The following ADGRL4 variants were observed in gnomAD, a reference collection of about 807,000 sequenced individuals.
ADGRL4 encodes the protein EGF, latrophilin and seven transmembrane domain containing 1.
A neutral mutation model predicts 74.8 loss-of-function variants in ADGRL4; 90 were observed. That is an observed-to-expected ratio of 1.20 (90% CI 1.02 to 1.43). ADGRL4 has a LOEUF of 1.43. Among genes scored for constraint, ADGRL4 ranks in the 40% most tolerant of loss-of-function variants. ADGRL4 has a pLI of 0.00. For missense variants in ADGRL4, 881 were observed against 814.3 expected (o/e 1.08, Z -1.00); for synonymous variants, 311 against 279.2 (o/e 1.11, Z -1.14).
chr1:78,934,809 G>A (rs1222740046), intron 7 of ADGRL4, among the ~76,000 whole-genome samples: 4 of 152,072 alleles, frequency 2.6e-5, no homozygotes, highest in African/African-American at 7.2e-5. Context: ...AAAAAAGCTC[G>A]ACATTACTGA....
chr1:78,907,423 C>A (rs562699127), intron 12 of ADGRL4, among the ~76,000 whole-genome samples: 1 of 152,078 alleles, frequency 6.6e-6, no homozygotes, highest in South Asian at 2.1e-4. Flanking sequence ...ATGCTAACCC[C>A]TAAAGATAAT....
At chr1:78,900,732 G>A (rs886573484) in intron 12 of ADGRL4, among the ~76,000 whole-genome samples, 2 of 152,006 alleles carry the variant, frequency 1.3e-5, no homozygotes, top group Non-Finnish European at 2.9e-5. Context: ...CTTCATGATT[G>A]CAAGTTTCCC....
intron 2 of ADGRL4, among the ~76,000 whole-genome samples, chr1:78,985,958 G>T (rs1650485506): frequency 6.6e-6 from 1 of 151,786 alleles, no homozygotes; most frequent in African/African-American, 2.4e-5. Context: ...CCTTATAAGT[G>T]GGAGCTAAAC....
intron 2 of ADGRL4, among the ~76,000 whole-genome samples, chr1:78,975,592 C>A (rs950100940): frequency 6.6e-6 from 1 of 151,898 alleles, no homozygotes; most frequent in Non-Finnish European, 1.5e-5. Context: ...CTCTAAAATA[C>A]AGACTAAAAC....
chr1:78,941,562 C>CTT (rs34600361), intron 3 of ADGRL4, among the ~76,000 whole-genome samples: 2 of 124,600 alleles, frequency 1.6e-5, no homozygotes, highest in South Asian at 2.5e-4. Context: ...TCAATCCCCC[C>CTT]TTTTTTTTTT....
Position 78,918,072 on chromosome 1 carries a change from A to G in ADGRL4, c.1462-22T>C, listed in dbSNP as rs146732519. The G allele has an allele frequency of 6.6e-4, 1,025 of 1,561,182 alleles. 3 individuals are homozygous for G. The Middle Eastern group carries it at 6.7e-3, about 10-fold the overall frequency. On this transcript the variant is annotated intron_variant, in intron 10 of 14. Coordinates refer to ENST00000370742, the MANE Select transcript of ADGRL4 (RefSeq NM_022159.4). The stretch of plus-strand genomic sequence containing the variant: ...AGAGCTAGAAATCAAAGAAAAAAAA[A>G]AAAACATTGTCAGTGTTTGTTTTAA...
intron 13 of ADGRL4, among the ~76,000 whole-genome samples, 172 bp from the exon 14 acceptor site, chr1:78,891,864 C>A (rs189581785): frequency 6.6e-5 from 10 of 152,224 alleles, no homozygotes; most frequent in Admixed American, 6.6e-4. Context: ...GGTGTGACAG[C>A]ATTTAGGGTA....
rs1249575862 is a variant in ADGRL4 at position 78,936,377 on chromosome 1, C to T, written c.795G>A (p.Met265Ile). 8.3e-6 allele frequency: 13 copies of T among 1,573,302 alleles called. No homozygotes were observed. Among genetic ancestry groups the T allele is most frequent in the Non-Finnish European group, 1.1e-5 (13 of 1,166,458 alleles). The part of the protein sequence containing the change: ...LKVFFFDSYN[M>I]KHIHPHMNMD... ...TATTCATATGAGGATGAATATGTTT[C>T]ATGTTATATGAATCAAAAAAGAAAA... The change falls in exon 7 of 15, where the codon ATG becomes ATA. Residue 265 changes from methionine to isoleucine, a missense_variant. Physicochemically the swap from Met to Ile is conservative, Grantham distance 10 (BLOSUM62 1). Coordinates refer to ENST00000370742, the MANE Select transcript of ADGRL4 (RefSeq NM_022159.4).
At chr1:78,943,393 T>G (rs375905060) in intron 3 of ADGRL4, among the ~76,000 whole-genome samples, 1 of 152,348 alleles carries the variant, frequency 6.6e-6, no homozygotes, top group South Asian at 2.1e-4. Context: ...AGTTCTGTTT[T>G]ACTGTGATTC....
chr1:78,956,386 A>G (rs1649830114), intron 2 of ADGRL4, among the ~76,000 whole-genome samples: 1 of 152,126 alleles, frequency 6.6e-6, no homozygotes, highest in African/African-American at 2.4e-5. Flanking sequence ...GTTCATAGAG[A>G]TTTGACTCTG....
Position 78,913,392 on chromosome 1 carries a change from G to A in ADGRL4, c.1749+4242C>T, listed in dbSNP as rs537837280. ...AGTATAAACTAAATGCCCATCAGTG[G>A]TAGACTGAATAAAGAAAACATGCAT... On this transcript the variant is annotated intron_variant, in intron 12 of 14. Coordinates refer to ENST00000370742, the MANE Select transcript of ADGRL4 (RefSeq NM_022159.4). Among the ~76,000 whole-genome samples the A allele has an allele frequency of 2.6e-5, 4 of 152,032 alleles. No individual in the cohort carries two copies. The South Asian group carries it at 8.3e-4, about 31-fold the overall frequency.
intron 12 of ADGRL4, among the ~76,000 whole-genome samples, chr1:78,907,148 G>A (rs1394241591): frequency 6.6e-6 from 1 of 151,898 alleles, no homozygotes; most frequent in Non-Finnish European, 1.5e-5. Flanking sequence ...AATTCCTACT[G>A]AAAGCATGTC....
rs747328995 is a variant in ADGRL4, at chr1:78,927,096, C to T, written c.878-5G>A. On this transcript the variant is annotated splice_region_variant and splice_polypyrimidine_tract_variant and intron_variant, in intron 7 of 14. Transcript: ENST00000370742. ...CAAATGCAACTGCAACATTGCCTAT[C>T]AATCAAATAAGTATATTTAGTGAAA... The T allele has an allele frequency of 1.3e-6, 2 of 1,532,564 alleles. No individual in the cohort carries two copies. Among genetic ancestry groups the T allele is most frequent in the Non-Finnish European group, 1.8e-6 (2 of 1,110,088 alleles). The allele number at this position is 1,532,564 out of a possible 1,614,324, so 94.9% of individuals were successfully genotyped here.
intron 4 of ADGRL4, among the ~76,000 whole-genome samples, chr1:78,938,712 G>A (rs973316): frequency 0.073 from 11,144 of 151,968 alleles, 472 homozygotes; most frequent in African/African-American, 0.11. Flanking sequence ...ATGTGATTAA[G>A]TGAAAATTTG....
intron 7 of ADGRL4, among the ~76,000 whole-genome samples, chr1:78,928,367 C>T (rs1163699288): frequency 6.6e-6 from 1 of 151,276 alleles, no homozygotes; most frequent in African/African-American, 2.5e-5. Flanking sequence ...TCTTCAATTC[C>T]TATGATTTCT....
At position 78,917,616 on chromosome 1, in the gene ADGRL4, A is replaced by T. The variant is rs762311014; in HGVS notation, c.1749+18T>A. ...CATCACTTTTTTGAATTGTAATAAC[A>T]ATTTTATATATACATACAAGAATGA... On this transcript the variant is annotated intron_variant, in intron 12 of 14. Coordinates refer to ENST00000370742, the MANE Select transcript of ADGRL4 (RefSeq NM_022159.4). 7 of 360,680 alleles carry T rather than the reference A, an allele frequency of 1.9e-5. No individual in the cohort carries two copies. Among genetic ancestry groups the T allele is most frequent in the Admixed American group, 2.1e-4 (2 of 9,450 alleles). 22.3% of individuals were successfully genotyped at this position (360,680 alleles called of 1,614,324 possible).
At chr1:78,990,208 T>G (rs998234711) in intron 2 of ADGRL4, among the ~76,000 whole-genome samples, 1 of 151,992 alleles carries the variant, frequency 6.6e-6, no homozygotes, top group South Asian at 2.1e-4. Flanking sequence ...ATATCTAATT[T>G]TGAACACTTG....
Position 78,905,135 on chromosome 1 carries a change from A to G in ADGRL4, c.1750-11946T>C, listed in dbSNP as rs372548801. ...GAGGAGGGAAATATTTTCCACTTTC[A>G]GGACTTTCTTCTAAAGTGATATCAG... On this transcript the variant is annotated intron_variant, in intron 12 of 14. Transcript: ENST00000370742. Among the ~76,000 whole-genome samples, 10 of 152,092 alleles carry G rather than the reference A, an allele frequency of 6.6e-5. 1 individual carries two copies. In the East Asian group the frequency reaches 9.6e-4, roughly 15 times the overall value.
At chr1:78,992,861 C>T (rs1401756344) in intron 2 of ADGRL4, among the ~76,000 whole-genome samples, 1 of 151,984 alleles carries the variant, frequency 6.6e-6, no homozygotes, top group South Asian at 2.1e-4. Flanking sequence ...ACAAACTATA[C>T]AAATCTATGT....
Sources: gnomAD v4.1 joint callset for allele counts (sites outside exome capture counted in the v4.1 genomes callset) on GRCh38, gnomAD v4.1.1 for gene constraint, MANE v1.5 for transcripts, NCBI Gene and HGNC (gene_info 2026-07-23, HGNC 2026-07-21) for gene names.